MSRA: variants seen among roughly 807,000 people sequenced by gnomAD.
The protein encoded by MSRA is mitochondrial peptide methionine sulfoxide reductase.
In MSRA, 54 loss-of-function variants were observed where a neutral mutation model predicts 31.3. The observed-to-expected ratio is 1.73, with a 90% CI of 1.39 to 2.17. The LOEUF (loss-of-function observed/expected upper bound fraction) is 2.17, where lower values mean the gene tolerates loss of function less well. MSRA is among the 30% of genes most tolerant of loss of function. The pLI is 0.00. For synonymous variants in MSRA, 169 were observed against 116.5 expected (o/e 1.45, Z -2.90); for missense variants, 507 against 300.9 (o/e 1.69, Z -5.07).
At chr8:10,256,569 C>G (rs532621417) in intron 3 of MSRA, among the ~76,000 whole-genome samples, 1 of 152,164 alleles carries the variant, frequency 6.6e-6, no homozygotes, top group Non-Finnish European at 1.5e-5. Flanking sequence ...GGGGCTTCAT[C>G]CATCAAAAGC....
At chr8:10,315,528 T>C (rs928847804) in intron 4 of MSRA, among the ~76,000 whole-genome samples, 1 of 152,262 alleles carries the variant, frequency 6.6e-6, no homozygotes, top group Non-Finnish European at 1.5e-5. Flanking sequence ...TGTACATTTA[T>C]GTCTTATGTA....
intron 5 of MSRA, among the ~76,000 whole-genome samples, chr8:10,346,344 A>T (rs1305141589): frequency 6.6e-6 from 1 of 152,162 alleles, no homozygotes; most frequent in Non-Finnish European, 1.5e-5. Context: ...CTCATGGCTT[A>T]TAAGGTCCTC....
chr8:10,213,456 T>TTG (rs1491575225), intron 2 of MSRA, among the ~76,000 whole-genome samples: 1 of 144,792 alleles, frequency 6.9e-6, no homozygotes, highest in Admixed American at 6.8e-5. Flanking sequence ...TTTTTTTTTT[T>TTG]GAGACAGAGT....
chr8:10,373,025 G>A (rs1805564281), intron 5 of MSRA, among the ~76,000 whole-genome samples: 1 of 152,200 alleles, frequency 6.6e-6, no homozygotes, highest in South Asian at 2.1e-4. Context: ...AAGTAGCTGG[G>A]ATTACAGGCA....
chr8:10,193,498 A>T (rs1807708269), intron 1 of MSRA, among the ~76,000 whole-genome samples: 1 of 152,218 alleles, frequency 6.6e-6, no homozygotes, highest in South Asian at 2.1e-4. Context: ...TTGAGCATGT[A>T]TTCAGGGACG....
At chr8:10,130,560 G>T (rs1484093855) in intron 1 of MSRA, among the ~76,000 whole-genome samples, 1 of 152,142 alleles carries the variant, frequency 6.6e-6, no homozygotes, top group Middle Eastern at 3.2e-3. Context: ...CAAAAATTGT[G>T]TAGGCTTTGT....
At chr8:10,253,493 G>C (rs972185711) in intron 3 of MSRA, among the ~76,000 whole-genome samples, 4 of 152,098 alleles carry the variant, frequency 2.6e-5, no homozygotes, top group African/African-American at 7.2e-5. Flanking sequence ...TTCAAATAGG[G>C]CATTTAAGTA....
chr8:10,338,364 GT>G (rs1803194030), intron 5 of MSRA, among the ~76,000 whole-genome samples: 1 of 152,158 alleles, frequency 6.6e-6, no homozygotes, highest in Non-Finnish European at 1.5e-5. Context: ...GGGAGGAGGA[GT>G]TGTTGGTCAA....
intron 1 of MSRA, among the ~76,000 whole-genome samples, chr8:10,087,445 G>C (rs537337747): frequency 5.9e-5 from 9 of 152,310 alleles, no homozygotes; most frequent in East Asian, 1.9e-4. Context: ...GAGAGTGCTG[G>C]AGAGAATTGT....
intron 1 of MSRA, among the ~76,000 whole-genome samples, chr8:10,111,911 G>C (rs1419342129): frequency 6.6e-6 from 1 of 152,202 alleles, no homozygotes; most frequent in African/African-American, 2.4e-5. Flanking sequence ...GTGGGGACCA[G>C]CTGGTCCTTG....
At chr8:10,269,023 C>A (rs1798889564) in intron 3 of MSRA, among the ~76,000 whole-genome samples, 1 of 152,242 alleles carries the variant, frequency 6.6e-6, no homozygotes, top group African/African-American at 2.4e-5. Context: ...TGCAGGTGCG[C>A]TGTGTTTCCT....
chr8:10,125,987 G>T (rs1250631311), intron 1 of MSRA, among the ~76,000 whole-genome samples: 1 of 152,208 alleles, frequency 6.6e-6, no homozygotes, highest in Admixed American at 6.5e-5. Context: ...GAATGTCAGA[G>T]TCTCCTACAG....
chr8:10,172,319 G>C, intron 1 of MSRA, among the ~76,000 whole-genome samples: 1 of 152,188 alleles, frequency 6.6e-6, no homozygotes, highest in East Asian at 1.9e-4. Flanking sequence ...GGTGCTGATG[G>C]GGTTGGAGGG....
In MSRA at chr8:10,208,298, A is replaced by G. The variant is rs148425550; in HGVS notation, c.211+397A>G. On this transcript the variant is annotated intron_variant, in intron 2 of 5. Coordinates refer to ENST00000317173, the MANE Select transcript of MSRA (RefSeq NM_012331.5). ...CTTATTATTACACAAAGATTAATCT[A>G]ATTGAATGATCTCTTCCTTCTCCAT... Among the ~76,000 whole-genome samples, 23 of 152,284 alleles carry G rather than the reference A, an allele frequency of 1.5e-4. No individual in the cohort carries two copies. In the East Asian group the frequency reaches 4.4e-3, roughly 29 times the overall value.
intron 5 of MSRA, among the ~76,000 whole-genome samples, chr8:10,424,744 G>C (rs904618722): frequency 6.6e-6 from 1 of 152,220 alleles, no homozygotes; most frequent in African/African-American, 2.4e-5. Flanking sequence ...CCCCCTCCTG[G>C]GTTAGGGGAG....
chr8:10,096,645 A>C (rs1799175147), intron 1 of MSRA, among the ~76,000 whole-genome samples: 1 of 152,154 alleles, frequency 6.6e-6, no homozygotes. Flanking sequence ...AAAATTTAGA[A>C]AGTTTACCGA....
At chr8:10,068,826 A>G (rs1168737624) in intron 1 of MSRA, among the ~76,000 whole-genome samples, 1 of 152,028 alleles carries the variant, frequency 6.6e-6, no homozygotes, top group Non-Finnish European at 1.5e-5. Flanking sequence ...ACTTGCTGGG[A>G]TTTTGATTGC....
At chr8:10,333,817 C>G (rs115884990) in intron 5 of MSRA, among the ~76,000 whole-genome samples, 2,141 of 152,196 alleles carry the variant, frequency 0.014, 45 homozygotes, top group African/African-American at 0.049. Context: ...CCACCCCCCC[C>G]ACGCTGAGTG....
intron 1 of MSRA, among the ~76,000 whole-genome samples, chr8:10,135,125 T>C (rs1046595395): frequency 5.3e-5 from 8 of 152,260 alleles, no homozygotes; most frequent in Admixed American, 4.6e-4. Flanking sequence ...CTTGACACTT[T>C]GTCATCAGCA....
Sources: gnomAD v4.1 joint callset for allele counts (sites outside exome capture counted in the v4.1 genomes callset) on GRCh38, gnomAD v4.1.1 for gene constraint, MANE v1.5 for transcripts, NCBI Gene and HGNC (gene_info 2026-07-23, HGNC 2026-07-21) for gene names.